WDR25: variants seen among roughly 807,000 people sequenced by gnomAD.
WDR25 encodes WD repeat domain 25, also known as WD repeat-containing protein 25.
Under a neutral mutation model 47.7 loss-of-function variants are expected in WDR25, and 35 were observed. That is an observed-to-expected ratio of 0.73 (90% CI 0.56 to 0.97). The LOEUF is 0.97. WDR25 is among the 50% of genes least tolerant of loss of function. The pLI, the probability that WDR25 is intolerant of heterozygous loss-of-function variation, is 0.00. For synonymous variants in WDR25, 248 were observed against 278.9 expected (o/e 0.89, Z 1.10); for missense variants, 634 against 704.7 (o/e 0.90, Z 1.14).
intron 3 of WDR25, among the ~76,000 whole-genome samples, chr14:100,476,194 G>T (rs1900011406): frequency 1.3e-5 from 2 of 152,226 alleles, no homozygotes; most frequent in African/African-American, 4.8e-5. Context: ...CCGATGCAGG[G>T]CCACAGCTGA....
intron 2 of WDR25, among the ~76,000 whole-genome samples, chr14:100,414,860 C>T (rs1175417270): frequency 3.3e-5 from 5 of 150,540 alleles, no homozygotes; most frequent in South Asian, 2.1e-4. Context: ...GCCGAGATCG[C>T]GCCACTGCAC....
intron 1 of WDR25, 111 bp downstream of exon 1, chr14:100,376,606 C>A: frequency 8.1e-7 from 1 of 1,231,970 alleles, no homozygotes; most frequent in Non-Finnish European, 1.0e-6. Flanking sequence ...CTTCCTTTCA[C>A]TTCCTGTTCC....
At chr14:100,474,750 A>G (rs1323087972) in intron 3 of WDR25, among the ~76,000 whole-genome samples, 1 of 152,216 alleles carries the variant, frequency 6.6e-6, no homozygotes. Flanking sequence ...GATTTTTTGG[A>G]TAGGACTTAA....
chr14:100,395,812 G>A (rs1338054948), intron 2 of WDR25, among the ~76,000 whole-genome samples: 1 of 152,032 alleles, frequency 6.6e-6, no homozygotes, highest in African/African-American at 2.4e-5. Context: ...TCTTGGAGGG[G>A]TCCAACTGCA....
At chr14:100,513,435 C>T (rs1054989313) in intron 4 of WDR25, among the ~76,000 whole-genome samples, 3 of 152,174 alleles carry the variant, frequency 2.0e-5, no homozygotes, top group Non-Finnish European at 4.4e-5. Context: ...TCTTGGACTT[C>T]CCACCATCCA....
rs78602210 is a variant in WDR25, at chr14:100,424,177, G to A, written c.822+42431G>A. Among the ~76,000 whole-genome samples the A allele has an allele frequency of 4.5e-3, 693 of 152,336 alleles. 5 individuals are homozygous for A. The highest frequency in any genetic ancestry group is 0.016 in the African/African-American group (675 of 41,574). ...CACCACGGGCGAGGCCTCCCAGGCTGGCTGGGTGAGTGTTCCTGAGCCCAG... is the reference window on the plus strand; with the variant it reads ...CACCACGGGCGAGGCCTCCCAGGCTAGCTGGGTGAGTGTTCCTGAGCCCAG... On this transcript the variant is annotated intron_variant, in intron 2 of 6. Transcript: ENST00000402312. The surrounding 1 kb of genome is among the most constrained non-coding windows in gnomAD (Gnocchi z 4.2).
chr14:100,392,426 T>C lies in WDR25; in HGVS notation c.822+10680T>C, dbSNP rs1330733331. Among the ~76,000 whole-genome samples the C allele has an allele frequency of 1.3e-5, 2 of 151,858 alleles. No individual in the cohort carries two copies. The highest frequency in any genetic ancestry group is 3.9e-4 in the East Asian group (2 of 5,150). ...AAACGTGATCCCAGGGGTCCAAGCC[T>C]CTGTCACCCTCTTGCCCCTTCTCCT... is the stretch of plus-strand genomic sequence containing the variant. On this transcript the variant is annotated intron_variant, in intron 2 of 6. Coordinates refer to ENST00000402312, the MANE Select transcript of WDR25 (RefSeq NM_001161476.3). This position sits in a 1 kb window ranked among gnomAD's most constrained non-coding sequence, Gnocchi z 4.2.
At chr14:100,433,991 T>C (rs1898421052) in intron 2 of WDR25, among the ~76,000 whole-genome samples, 1 of 151,128 alleles carries the variant, frequency 6.6e-6, no homozygotes, top group African/African-American at 2.4e-5. Flanking sequence ...TTTGGGAGGC[T>C]GAGGCAGGGG....
intron 2 of WDR25, among the ~76,000 whole-genome samples, chr14:100,394,297 G>A (rs1046099692): frequency 1.8e-4 from 27 of 152,288 alleles, no homozygotes; most frequent in Non-Finnish European, 3.4e-4. Flanking sequence ...GTGTGACATG[G>A]CTGGCAGTGG....
At chr14:100,473,501 G>C (rs557643033) in intron 3 of WDR25, among the ~76,000 whole-genome samples, 7 of 152,214 alleles carry the variant, frequency 4.6e-5, no homozygotes, top group Non-Finnish European at 1.0e-4. Context: ...CTGGGCAGCA[G>C]CTGGCCACCT....
intron 2 of WDR25, among the ~76,000 whole-genome samples, chr14:100,405,537 C>G (rs547387806): frequency 6.6e-6 from 1 of 152,260 alleles, no homozygotes; most frequent in South Asian, 2.1e-4. Flanking sequence ...AGGCTGGGCC[C>G]CCTGGAGGAT....
In WDR25 at chr14:100,428,322, C is replaced by T. The variant is rs73347382; in HGVS notation, c.823-39699C>T. On this transcript the variant is annotated intron_variant, in intron 2 of 6. Transcript: ENST00000402312. This position sits in a 1 kb window ranked among gnomAD's most constrained non-coding sequence, Gnocchi z 4.3. ...GGCCCTGTGGGGTGACTGAGCTGGG[C>T]GTTGTCCTTTCCTCTTCCTGGTGTG... 5.0e-3 allele frequency among the ~76,000 whole-genome samples: 755 copies of T among 152,248 alleles called. 10 individuals are homozygous for T. The highest frequency in any genetic ancestry group is 0.017 in the African/African-American group (704 of 41,536).
intron 4 of WDR25, among the ~76,000 whole-genome samples, chr14:100,501,989 CCTT>C (rs1900939470): frequency 6.6e-6 from 1 of 152,224 alleles, no homozygotes; most frequent in Non-Finnish European, 1.5e-5. Flanking sequence ...AGGGAGCCCT[CCTT>C]CCCTGTCCGC....
chr14:100,523,485 C>T lies in WDR25; in HGVS notation c.1102-2385C>T, dbSNP rs762701053. On this transcript the variant is annotated intron_variant, in intron 4 of 6. Coordinates refer to ENST00000402312, the MANE Select transcript of WDR25 (RefSeq NM_001161476.3). The surrounding 1 kb of genome is among the most constrained non-coding windows in gnomAD (Gnocchi z 4.7). ...TGAGGACCAGGAGTACTTAGAGGCTCAGAGGTGTGGTTGGGGCCCTCGTGT... is the reference window on the plus strand; with the variant it reads ...TGAGGACCAGGAGTACTTAGAGGCTTAGAGGTGTGGTTGGGGCCCTCGTGT... Among the ~76,000 whole-genome samples the T allele has an allele frequency of 8.5e-5, 13 of 152,150 alleles. No individual in the cohort carries two copies. Among genetic ancestry groups the T allele is most frequent in the South Asian group, 6.2e-4 (3 of 4,830 alleles).
At chr14:100,413,490 T>C (rs914776151) in intron 2 of WDR25, among the ~76,000 whole-genome samples, 14 of 151,624 alleles carry the variant, frequency 9.2e-5, no homozygotes, top group African/African-American at 3.4e-4. Context: ...CTCGGCTCAC[T>C]GCGACCTCCG....
At chr14:100,486,247 G>T (rs181129826) in intron 4 of WDR25, among the ~76,000 whole-genome samples, 1 of 152,080 alleles carries the variant, frequency 6.6e-6, no homozygotes, top group Admixed American at 6.6e-5. Flanking sequence ...GACCAAACAC[G>T]TAAGAAATTA....
chr14:100,417,994 T>C (rs1468345798), intron 2 of WDR25, among the ~76,000 whole-genome samples: 1 of 150,938 alleles, frequency 6.6e-6, no homozygotes, highest in African/African-American at 2.4e-5. Context: ...CAGGCTGGAG[T>C]GCAGTGGCAC....
At position 100,528,423 on chromosome 14, in the gene WDR25, G is replaced by C. The variant is rs866131164; in HGVS notation, c.1273-645G>C. Among the ~76,000 whole-genome samples the C allele has an allele frequency of 3.7e-5, 5 of 135,958 alleles. No homozygotes were observed. The South Asian group carries it at 6.6e-4, about 18-fold the overall frequency. 89.2% of individuals were successfully genotyped at this position (135,958 alleles called of 152,430 possible). Reference sequence around the variant, plus strand: ...TGTCACATCTCTGCGCCTTCCCTTTGTTTCTTTCTTTCTTTTTTTTTTTTT... The same window carrying C: ...TGTCACATCTCTGCGCCTTCCCTTTCTTTCTTTCTTTCTTTTTTTTTTTTT... On this transcript the variant is annotated intron_variant, in intron 5 of 6. Transcript: ENST00000402312.
intron 2 of WDR25, among the ~76,000 whole-genome samples, chr14:100,394,362 T>C (rs879499550): frequency 3.2e-4 from 48 of 152,196 alleles, no homozygotes; most frequent in Non-Finnish European, 4.3e-4. Flanking sequence ...GACGTCTCCA[T>C]GAGCCAGGCT....
Sources: gnomAD v4.1 joint callset for allele counts (sites outside exome capture counted in the v4.1 genomes callset) on GRCh38, gnomAD v4.1.1 for gene constraint, Gnocchi (gnomAD v3.1) non-coding constraint, MANE v1.5 for transcripts, NCBI Gene and HGNC (gene_info 2026-07-23, HGNC 2026-07-21) for gene names.